RTN4: variants seen among roughly 807,000 people sequenced by gnomAD.
RTN4 encodes reticulon-4.
In RTN4, 32 loss-of-function variants were observed where a neutral mutation model predicts 90.4. That is an observed-to-expected ratio of 0.35 (90% CI 0.27 to 0.48). The LOEUF (loss-of-function observed/expected upper bound fraction) is 0.48. Ranked by LOEUF, RTN4 falls within the 20% of genes least tolerant of loss-of-function variation. The pLI, the probability that RTN4 is intolerant of heterozygous loss-of-function variation, is 0.99. For synonymous variants in RTN4, 629 were observed against 552.5 expected (o/e 1.14, Z -1.94); for missense variants, 1,706 against 1,430.2 (o/e 1.19, Z -3.11).
chr2:55,017,549 A>G (rs1421482454), intron 3 of RTN4, among the ~76,000 whole-genome samples: 2 of 152,214 alleles, frequency 1.3e-5, no homozygotes, highest in Non-Finnish European at 2.9e-5. Context: ...AGCAAGACAC[A>G]ATCTATATTT....
Position 55,106,740 on chromosome 2 carries a change from G to A in RTN4, c.-214+5780C>T, listed in dbSNP as rs148891486. On this transcript the variant is annotated intron_variant, in intron 1 of 3. Coordinates refer to the RTN4 transcript ENST00000427710. ...TCACCATGTTGGCTAGGCTGGTCTC[G>A]AACACCTGACCCCAGGTGATCCACC... Among the ~76,000 whole-genome samples, 561 of 152,096 alleles carry A rather than the reference G, an allele frequency of 3.7e-3. 3 individuals are homozygous for A. Among genetic ancestry groups the A allele is most frequent in the African/African-American group, 0.013 (530 of 41,440 alleles).
At chr2:55,095,663 T>C (rs968750308) in intron 1 of RTN4, among the ~76,000 whole-genome samples, 29 of 152,248 alleles carry the variant, frequency 1.9e-4, no homozygotes, top group African/African-American at 6.0e-4. Flanking sequence ...CTGACTCCCC[T>C]AAATAGCTGG....
intron 4 of RTN4, among the ~76,000 whole-genome samples, 177 bp downstream of exon 4, chr2:54,987,313 TA>T (rs1461080387): frequency 2.6e-5 from 4 of 152,232 alleles, no homozygotes; most frequent in African/African-American, 9.6e-5. Flanking sequence ...CATGAGCCTT[TA>T]AAACGACTTT....
intron 1 of RTN4, among the ~76,000 whole-genome samples, chr2:55,095,636 T>C (rs988764889): frequency 2.0e-5 from 3 of 152,132 alleles, no homozygotes; most frequent in African/African-American, 4.8e-5. Context: ...ACCTCGGCAC[T>C]CCCTATCTCC....
intron 2 of RTN4, among the ~76,000 whole-genome samples, chr2:55,056,123 A>T (rs1301501171): frequency 2.0e-5 from 3 of 152,118 alleles, no homozygotes; most frequent in Non-Finnish European, 2.9e-5. Context: ...TGAAAACTCC[A>T]AAAATAAACA....
intron 1 of RTN4, among the ~76,000 whole-genome samples, chr2:55,089,875 A>T (rs1668906530): frequency 6.6e-6 from 1 of 152,150 alleles, no homozygotes; most frequent in African/African-American, 2.4e-5. Flanking sequence ...CACCTGGGGC[A>T]TGGAACATTT....
intron 5 of RTN4, among the ~76,000 whole-genome samples, chr2:54,975,057 A>G (rs1677509944): frequency 1.3e-5 from 2 of 152,194 alleles, no homozygotes; most frequent in Admixed American, 6.5e-5. Context: ...AGCCCTAACA[A>G]CATTTACCTT....
chr2:55,107,618 A>C (rs755999027), intron 1 of RTN4, among the ~76,000 whole-genome samples: 1 of 152,044 alleles, frequency 6.6e-6, no homozygotes, highest in Non-Finnish European at 1.5e-5. Context: ...TTATAGAATA[A>C]GTTCAGGCAC....
chr2:54,999,816 C>T (rs998691136), intron 3 of RTN4, among the ~76,000 whole-genome samples: 1 of 152,100 alleles, frequency 6.6e-6, no homozygotes, highest in Non-Finnish European at 1.5e-5. Flanking sequence ...TTTGTCTCAA[C>T]ACAGTAAGCA....
At position 54,993,167 on chromosome 2, in the gene RTN4, G is replaced by A. The variant is rs550140717; in HGVS notation, c.3014-5469C>T. Among the ~76,000 whole-genome samples the A allele has an allele frequency of 6.6e-5, 10 of 151,630 alleles. No homozygotes were observed. In the South Asian group the frequency reaches 2.1e-3, roughly 32 times the overall value. On this transcript the variant is annotated intron_variant, in intron 3 of 8. Transcript: ENST00000337526. ...AGCAGTGTTTTTATCTCTGCATAAC[G>A]GGATTATCAATGAGTTTTACTTGCT...
At chr2:55,133,515 T>C in the RTN4 span, among the ~76,000 whole-genome samples, 37,151 of 152,166 alleles carry the variant, frequency 0.24, 5,244 homozygotes, top group East Asian at 0.5. Context: ...TTATGCAGGA[T>C]ACTGCCCACA....
At chr2:55,108,178 C>G (rs1444571246) in intron 1 of RTN4, among the ~76,000 whole-genome samples, 1 of 152,106 alleles carries the variant, frequency 6.6e-6, no homozygotes, top group African/African-American at 2.4e-5. Context: ...TGGTCTCGAA[C>G]CCCTGACTTC....
Position 55,026,340 on chromosome 2 carries a change from G to A in RTN4, c.1759C>T (p.Gln587Ter). ...TGTGCTGCAGGATAGAGTGACTCTTGCATAACTTCTGATGTTTGAACCAAG... is the reference window on the plus strand; with the variant it reads ...TGTGCTGCAGGATAGAGTGACTCTTACATAACTTCTGATGTTTGAACCAAG... ...MDLVQTSEVM[Q>*]ESLYPAAQLC... Residue 587 changes from glutamine to a stop codon, truncating the protein, a stop_gained, in exon 3 of 9, where the codon CAA becomes TAA. Coordinates refer to ENST00000337526, the MANE Select transcript of RTN4 (RefSeq NM_020532.5). LOFTEE classifies it high-confidence loss of function. The A allele has an allele frequency of 6.2e-7, 1 of 1,613,930 alleles. No homozygotes were observed. Among genetic ancestry groups the A allele is most frequent in the Non-Finnish European group, 8.5e-7 (1 of 1,179,884 alleles).
At chr2:55,126,439 T>A in the RTN4 span, among the ~76,000 whole-genome samples, 3 of 151,182 alleles carry the variant, frequency 2.0e-5, no homozygotes, top group South Asian at 4.2e-4. Flanking sequence ...TCAATATCAC[T>A]GATCATTAGA....
At chr2:55,105,215 T>A (rs1423880061) in intron 1 of RTN4, among the ~76,000 whole-genome samples, 1 of 124,116 alleles carries the variant, frequency 8.1e-6, no homozygotes, top group African/African-American at 3.2e-5. Context: ...CCCCCCTTTT[T>A]TTGCTATTGA....
chr2:55,117,976 G>C, the RTN4 span, among the ~76,000 whole-genome samples: 2 of 152,150 alleles, frequency 1.3e-5, no homozygotes, highest in South Asian at 2.1e-4. Flanking sequence ...CATCTATGCA[G>C]TTTTCTGTGT....
chr2:55,052,685 G>T (rs115449194), upstream of RTN4, among the ~76,000 whole-genome samples: 661 of 152,220 alleles, frequency 4.3e-3, 5 homozygotes, highest in African/African-American at 0.015. Context: ...TGAAGTCTTT[G>T]TCAAATATTT....
intron 1 of RTN4, among the ~76,000 whole-genome samples, chr2:55,081,357 A>C (rs2105030441): frequency 6.6e-6 from 1 of 152,228 alleles, no homozygotes; most frequent in African/African-American, 2.4e-5. Flanking sequence ...GATTACAGGT[A>C]TGAGCCACCA....
intron 3 of RTN4, among the ~76,000 whole-genome samples, chr2:55,008,515 G>C (rs564496034): frequency 6.6e-6 from 1 of 151,794 alleles, no homozygotes; most frequent in Non-Finnish European, 1.5e-5. Flanking sequence ...TAATCTTACC[G>C]ACCAAAACAG....
Sources: gnomAD v4.1 joint callset for allele counts (sites outside exome capture counted in the v4.1 genomes callset) on GRCh38, gnomAD v4.1.1 for gene constraint, MANE v1.5 for transcripts, NCBI Gene and HGNC (gene_info 2026-07-23, HGNC 2026-07-21) for gene names.